The following TMEM132D variants were observed in gnomAD, a reference collection of about 807,000 sequenced individuals.
The protein encoded by TMEM132D is mature OL transmembrane protein.
A neutral mutation model predicts 62.3 loss-of-function variants in TMEM132D; 21 were observed. That is an observed-to-expected ratio of 0.34 (90% confidence interval 0.24 to 0.49). The LOEUF (loss-of-function observed/expected upper bound fraction) is 0.49, where lower values mean the gene tolerates loss of function less well. Ranked by LOEUF, TMEM132D falls within the 20% of genes least tolerant of loss-of-function variation. The pLI is 0.99. For synonymous variants in TMEM132D, 621 were observed against 575.6 expected, an observed-to-expected ratio of 1.08 and a Z score of -1.13; for missense variants, 1,346 against 1,402.8, an observed-to-expected ratio of 0.96 and a Z score of 0.65.
intron 3 of TMEM132D, among the ~76,000 whole-genome samples, chr12:129,443,453 G>A (rs984777802): frequency 1.3e-5 from 2 of 152,154 alleles, no homozygotes; most frequent in African/African-American, 4.8e-5. Context: ...TAAAAGCTGA[G>A]TTTGGTGAGC....
chr12:129,147,333 T>C (rs1216018776), intron 5 of TMEM132D, among the ~76,000 whole-genome samples: 1 of 151,072 alleles, frequency 6.6e-6, no homozygotes, highest in African/African-American at 2.4e-5. Flanking sequence ...TATATACATA[T>C]ATATTTTTTC....
At chr12:129,617,177 T>C (rs978458571) in intron 2 of TMEM132D, among the ~76,000 whole-genome samples, 2 of 152,174 alleles carry the variant, frequency 1.3e-5, no homozygotes, top group African/African-American at 4.8e-5. Flanking sequence ...AGGTGAGAAC[T>C]GATGGAGAAA....
chr12:129,677,370 T>C (rs1028881718), intron 2 of TMEM132D, among the ~76,000 whole-genome samples: 10 of 152,226 alleles, frequency 6.6e-5, no homozygotes, highest in African/African-American at 2.2e-4. Context: ...GCCGTGATCA[T>C]GAGGCCTCCC....
intron 4 of TMEM132D, among the ~76,000 whole-genome samples, chr12:129,316,804 ATTG>A (rs71072460): frequency 0.16 from 23,822 of 151,908 alleles, 2,562 homozygotes; most frequent in Non-Finnish European, 0.23. Context: ...TCTATTAGTA[ATTG>A]TTGTATAAAT....
chr12:129,356,862 A>G (rs898873466), intron 3 of TMEM132D, among the ~76,000 whole-genome samples: 1 of 136,794 alleles, frequency 7.3e-6, no homozygotes. Flanking sequence ...GAGACAAAGA[A>G]AGGAAGGAAA....
intron 3 of TMEM132D, among the ~76,000 whole-genome samples, chr12:129,435,466 A>G (rs1192278327): frequency 6.6e-6 from 1 of 152,148 alleles, no homozygotes; most frequent in Non-Finnish European, 1.5e-5. Context: ...ATTTCTCCAC[A>G]TCTGTGCCAG....
At chr12:129,395,634 A>G (rs1871401402) in intron 3 of TMEM132D, among the ~76,000 whole-genome samples, 1 of 151,572 alleles carries the variant, frequency 6.6e-6, no homozygotes, top group African/African-American at 2.4e-5. Context: ...TTTACATATA[A>G]AAAGGATATG....
At chr12:129,883,233 G>A (rs930586550) in intron 1 of TMEM132D, among the ~76,000 whole-genome samples, 1 of 152,026 alleles carries the variant, frequency 6.6e-6, no homozygotes, top group African/African-American at 2.4e-5. Context: ...CTATAAAATT[G>A]CAATAAAGAA....
Position 129,077,183 on chromosome 12 carries a change from G to T in TMEM132D, c.2115+1351C>A, listed in dbSNP as rs530597227. On this transcript the variant is annotated intron_variant, in intron 8 of 8. Coordinates refer to ENST00000422113, the MANE Select transcript of TMEM132D (RefSeq NM_133448.3). ...TTAGCAAGTCCAGTGTGGCACTCCTGCCTCCTCTGAACATGGCCACAGCCG... is the reference window on the plus strand; with the variant it reads ...TTAGCAAGTCCAGTGTGGCACTCCTTCCTCCTCTGAACATGGCCACAGCCG... 2.9e-4 allele frequency among the ~76,000 whole-genome samples: 44 copies of T among 152,348 alleles called. 2 individuals carry two copies. In the South Asian group the frequency reaches 8.7e-3, roughly 30 times the overall value.
intron 5 of TMEM132D, among the ~76,000 whole-genome samples, chr12:129,086,875 T>C (rs1874638358): frequency 6.6e-6 from 1 of 152,116 alleles, no homozygotes; most frequent in African/African-American, 2.4e-5. Flanking sequence ...TTTGGGTAGA[T>C]ACCTGGTAGT....
At chr12:129,737,768 A>G (rs1869474101) in intron 1 of TMEM132D, among the ~76,000 whole-genome samples, 1 of 152,262 alleles carries the variant, frequency 6.6e-6, no homozygotes, top group South Asian at 2.1e-4. Context: ...AATAAAATAC[A>G]AAGAGCAGTA....
At chr12:129,550,117 G>A (rs1477519116) in intron 2 of TMEM132D, among the ~76,000 whole-genome samples, 1 of 152,200 alleles carries the variant, frequency 6.6e-6, no homozygotes, top group African/African-American at 2.4e-5. Flanking sequence ...TGGTTGTCAT[G>A]AGAAAGATTA....
chr12:129,463,931 A>C (rs1411055645), intron 3 of TMEM132D, among the ~76,000 whole-genome samples: 1 of 150,088 alleles, frequency 6.7e-6, no homozygotes, highest in Admixed American at 6.7e-5. Context: ...GCCGCAATAA[A>C]CATACGTGTG....
At chr12:129,260,212 T>C (rs1048107021) in intron 4 of TMEM132D, among the ~76,000 whole-genome samples, 8 of 151,666 alleles carry the variant, frequency 5.3e-5, no homozygotes, top group Admixed American at 5.3e-4. Context: ...AGCAAGCGAG[T>C]AGGGTGATAC....
At chr12:129,536,138 T>C (rs1162987853) in intron 2 of TMEM132D, among the ~76,000 whole-genome samples, 2 of 152,176 alleles carry the variant, frequency 1.3e-5, no homozygotes, top group South Asian at 4.1e-4. Context: ...CCCCCAGAGA[T>C]TCATGTGGCC....
chr12:129,217,633 T>C (rs10773615), intron 4 of TMEM132D, among the ~76,000 whole-genome samples: 47,528 of 152,090 alleles, frequency 0.31, 7,883 homozygotes, highest in Middle Eastern at 0.43. Flanking sequence ...CTTAACTCTG[T>C]GTGAGGCACA....
At chr12:129,365,344 A>G (rs985175715) in intron 3 of TMEM132D, among the ~76,000 whole-genome samples, 1 of 152,154 alleles carries the variant, frequency 6.6e-6, no homozygotes, top group African/African-American at 2.4e-5. Context: ...TTCTGTTTTC[A>G]TTCTCTTAGG....
chr12:129,634,473 C>CAAAA (rs71451324), intron 2 of TMEM132D, among the ~76,000 whole-genome samples: 91 of 129,502 alleles, frequency 7.0e-4, no homozygotes, highest in African/African-American at 2.3e-3. Context: ...AACCTTGTCT[C>CAAAA]AAAAAAAAAA....
intron 2 of TMEM132D, among the ~76,000 whole-genome samples, chr12:129,581,284 A>G (rs763466754): frequency 7.2e-5 from 11 of 152,282 alleles, no homozygotes; most frequent in Non-Finnish European, 1.3e-4. Context: ...CTTCTTGCAA[A>G]GCCTGCAGAA....
Sources: allele counts gnomAD v4.1 joint callset (sites outside exome capture counted in the v4.1 genomes callset), GRCh38; gene constraint gnomAD v4.1.1; transcripts MANE v1.5; gene names NCBI Gene and HGNC (gene_info 2026-07-23, HGNC 2026-07-21).